The following MED13L variants were observed in gnomAD, a reference collection of about 807,000 sequenced individuals.
MED13L encodes the protein mediator of RNA polymerase II transcription subunit 13-like.
MED13L carries 7 observed loss-of-function variants against 220.9 expected under a neutral mutation model. The ratio of observed to expected loss-of-function variants is 0.03; its 90% confidence interval spans 0.02 to 0.06. The LOEUF is 0.06. Among genes scored for constraint, MED13L ranks in the 10% least tolerant of loss-of-function variants. The probability of loss-of-function intolerance (pLI) is 1.00; values close to 1 mark genes in which losing one functional copy is unlikely to be tolerated. For missense variants in MED13L, 1,965 were observed against 2,760.5 expected (o/e 0.71, Z 6.46); for synonymous variants, 1,011 against 1,015.2 (o/e 1.00, Z 0.08).
At chr12:116,238,484 G>A (rs986898424) in intron 1 of MED13L, among the ~76,000 whole-genome samples, 4 of 152,142 alleles carry the variant, frequency 2.6e-5, no homozygotes, top group Non-Finnish European at 2.9e-5. Context: ...CAACACAAGC[G>A]AAAGCTAAAT....
intron 2 of MED13L, among the ~76,000 whole-genome samples, chr12:116,123,196 G>A (rs1875240614): frequency 6.6e-6 from 1 of 152,048 alleles, no homozygotes; most frequent in African/African-American, 2.4e-5. Flanking sequence ...ACCTCTTTGA[G>A]TATTTTCCAG....
intron 19 of MED13L, 142 bp downstream of exon 19, chr12:115,986,124 A>G (rs1565994391): frequency 6.9e-6 from 6 of 869,958 alleles, no homozygotes; most frequent in Non-Finnish European, 1.1e-5. Flanking sequence ...AAATTGGCCA[A>G]TTCAATTCTC....
chr12:116,230,692 T>C (rs941578796), intron 2 of MED13L, among the ~76,000 whole-genome samples: 6 of 152,206 alleles, frequency 3.9e-5, no homozygotes, highest in Non-Finnish European at 2.9e-5. Context: ...AAAGAAATTT[T>C]CAAAATGACA....
intron 2 of MED13L, among the ~76,000 whole-genome samples, chr12:116,127,577 A>G (rs1875702813): frequency 6.6e-6 from 1 of 152,242 alleles, no homozygotes. Context: ...TCAGCAGTTC[A>G]GATGATAAAG....
chr12:116,080,736 T>C (rs1871180412), intron 4 of MED13L, among the ~76,000 whole-genome samples: 1 of 152,188 alleles, frequency 6.6e-6, no homozygotes, highest in Non-Finnish European at 1.5e-5. Flanking sequence ...GCCTGATTCT[T>C]TGGTTTGAGT....
At chr12:116,203,427 G>T (rs1391230744) in intron 2 of MED13L, among the ~76,000 whole-genome samples, 11 of 145,052 alleles carry the variant, frequency 7.6e-5, no homozygotes, top group African/African-American at 1.8e-4. Context: ...TTTTTTTTTT[G>T]AAATAAACAT....
chr12:116,236,632 A>G (rs1870107082), intron 2 of MED13L, among the ~76,000 whole-genome samples: 1 of 152,218 alleles, frequency 6.6e-6, no homozygotes. Context: ...GACTAAGTCA[A>G]AAAGAGTTAA....
chr12:116,148,984 C>A (rs1877810973), intron 2 of MED13L, among the ~76,000 whole-genome samples: 1 of 152,120 alleles, frequency 6.6e-6, no homozygotes, highest in Admixed American at 6.5e-5. Flanking sequence ...TTTTGTCCCA[C>A]CTATTTGTTC....
intron 4 of MED13L, among the ~76,000 whole-genome samples, chr12:116,036,661 A>G (rs1438542333): frequency 6.6e-6 from 1 of 152,194 alleles, no homozygotes; most frequent in Non-Finnish European, 1.5e-5. Context: ...TAAAATTTTC[A>G]AAGTTGCCAT....
intron 8 of MED13L, 56 bp downstream of exon 8, chr12:116,015,053 A>C: frequency 6.5e-7 from 1 of 1,528,764 alleles, no homozygotes. Context: ...TTTTCCAGGT[A>C]GCAATCAAGG....
At chr12:116,011,662 T>C (rs911409148) in intron 9 of MED13L, among the ~76,000 whole-genome samples, 2 of 152,198 alleles carry the variant, frequency 1.3e-5, no homozygotes, top group African/African-American at 2.4e-5. Context: ...GGTATTCACC[T>C]ACTAACACCA....
At chr12:115,994,455 A>C (rs1321536588) in intron 16 of MED13L, among the ~76,000 whole-genome samples, 1 of 152,022 alleles carries the variant, frequency 6.6e-6, no homozygotes, top group East Asian at 1.9e-4. Flanking sequence ...GTCTCCAAAA[A>C]ACCCCCCCAA....
At chr12:116,135,030 G>A (rs1395602450) in intron 2 of MED13L, among the ~76,000 whole-genome samples, 1 of 152,120 alleles carries the variant, frequency 6.6e-6, no homozygotes, top group Non-Finnish European at 1.5e-5. Flanking sequence ...TTATCCGGGT[G>A]TGGTGGCATG....
chr12:116,226,625 T>C (rs1023964640), intron 2 of MED13L, among the ~76,000 whole-genome samples: 1 of 152,180 alleles, frequency 6.6e-6, no homozygotes, highest in Non-Finnish European at 1.5e-5. Flanking sequence ...TCCCAGCGCT[T>C]TGGGAGGCCC....
chr12:116,079,027 A>T (rs1871030242), intron 4 of MED13L, among the ~76,000 whole-genome samples: 1 of 152,172 alleles, frequency 6.6e-6, no homozygotes, highest in Admixed American at 6.5e-5. Flanking sequence ...ACGTCAAAAG[A>T]CTACAACACA....
chr12:116,228,460 G>A (rs976666699), intron 2 of MED13L, among the ~76,000 whole-genome samples: 1 of 152,068 alleles, frequency 6.6e-6, no homozygotes, highest in African/African-American at 2.4e-5. Flanking sequence ...GAAACTACAA[G>A]GCGAACACCA....
chr12:116,276,868 T>A, intron 1 of MED13L, 192 bp downstream of exon 1: 1 of 973,720 alleles, frequency 1.0e-6, no homozygotes, highest in Non-Finnish European at 1.5e-6. Context: ...AAGAGCCAAA[T>A]AAACACTGGA....
intron 13 of MED13L, among the ~76,000 whole-genome samples, chr12:116,005,359 G>T (rs942939717): frequency 2.6e-5 from 4 of 152,138 alleles, no homozygotes; most frequent in Non-Finnish European, 2.9e-5. Flanking sequence ...TTAATTGTAT[G>T]CTGCCTTGTA....
At chr12:116,048,657 T>C (rs1314043451) in intron 4 of MED13L, among the ~76,000 whole-genome samples, 1 of 152,198 alleles carries the variant, frequency 6.6e-6, no homozygotes, top group East Asian at 1.9e-4. Flanking sequence ...AATTTTGTTT[T>C]TTTTTTAATA....
Sources: gnomAD v4.1 joint callset for allele counts (sites outside exome capture counted in the v4.1 genomes callset) on GRCh38, gnomAD v4.1.1 for gene constraint, MANE v1.5 for transcripts, NCBI Gene and HGNC (gene_info 2026-07-23, HGNC 2026-07-21) for gene names.